ZNF609: variants seen among roughly 807,000 people sequenced by gnomAD.
ZNF609 encodes the protein zinc finger protein 609.
A neutral mutation model predicts 109.5 loss-of-function variants in ZNF609; 11 were observed. The ratio of observed to expected loss-of-function variants is 0.10; its 90% confidence interval spans 0.06 to 0.17. The LOEUF (loss-of-function observed/expected upper bound fraction) is 0.17, where lower values mean the gene tolerates loss of function less well. Ranked by LOEUF, ZNF609 falls within the 10% of genes least tolerant of loss-of-function variation. ZNF609 has a pLI of 1.00. For synonymous variants in ZNF609, 646 were observed against 662.0 expected, an observed-to-expected ratio of 0.98 and a Z score of 0.37; for missense variants, 1,559 against 1,772.4, an observed-to-expected ratio of 0.88 and a Z score of 2.16.
chr15:64,461,647 C>G (rs999653400), intron 1 of ZNF609, among the ~76,000 whole-genome samples: 4 of 152,178 alleles, frequency 2.6e-5, no homozygotes, highest in Non-Finnish European at 5.9e-5. Flanking sequence ...ATTAGGCTCA[C>G]ACAGGGTGGA....
rs953033816 is a variant in ZNF609 at position 64,681,474 on chromosome 15, A to G, written c.*5+87A>G. 2.7e-6 allele frequency: 3 copies of G among 1,131,694 alleles called. No homozygotes were observed. The African/African-American group carries it at 4.6e-5, about 17-fold the overall frequency. The allele number at this position is 1,131,694 out of a possible 1,614,324, so 70.1% of individuals were successfully genotyped here. On this transcript the variant is annotated intron_variant, in intron 9 of 9. Transcript: ENST00000326648. The stretch of plus-strand genomic sequence containing the variant: ...CAGAATCCCTAGGTGAGAAATAGCT[A>G]TGAGGGGTCAGCAGTCTGGAATCCA...
intron 1 of ZNF609, among the ~76,000 whole-genome samples, chr15:64,496,610 G>C (rs1367886359): frequency 6.6e-6 from 1 of 152,166 alleles, no homozygotes; most frequent in African/African-American, 2.4e-5. Context: ...CTTACTCACT[G>C]TCTTACTTGC....
chr15:64,477,368 C>T (rs1270745572), intron 1 of ZNF609, among the ~76,000 whole-genome samples: 1 of 151,906 alleles, frequency 6.6e-6, no homozygotes, highest in East Asian at 1.9e-4. Context: ...TCTCGATCTC[C>T]TGACCTCGTG....
chr15:64,678,882 G>A lies in ZNF609; in HGVS notation c.3769+400G>A, dbSNP rs139426964. Among the ~76,000 whole-genome samples the A allele has an allele frequency of 1.1e-3, 161 of 152,266 alleles. 1 individual carries two copies. Among genetic ancestry groups the A allele is most frequent in the African/African-American group, 3.4e-3 (141 of 41,538 alleles). ...GAGCCATTGAGTTCCTTCCACTCCCGGAGCTTACAGCTTAATCATAGTGGA... is the reference window on the plus strand; with the variant it reads ...GAGCCATTGAGTTCCTTCCACTCCCAGAGCTTACAGCTTAATCATAGTGGA... On this transcript the variant is annotated intron_variant, in intron 6 of 9. Transcript: ENST00000326648.
chr15:64,670,930 C>G (rs1335286784), intron 4 of ZNF609, among the ~76,000 whole-genome samples: 6 of 149,344 alleles, frequency 4.0e-5, no homozygotes, highest in Admixed American at 2.7e-4. Flanking sequence ...GTTCGGGGGG[C>G]CGGGTACGGT....
rs1166502981 is a variant in ZNF609 at position 64,673,964 on chromosome 15, T to G, written c.1110T>G (p.Gly370=). The part of the protein sequence containing the change: ...TSDLEMRNGR[G]RGKRMRPNSN... ...ACCTGGAAATGCGCAATGGCCGGGGTAGAGGCAAACGCATGCGTCCCAACA... is the reference window on the plus strand; with the variant it reads ...ACCTGGAAATGCGCAATGGCCGGGGGAGAGGCAAACGCATGCGTCCCAACA... Residue 370 remains glycine (G), a synonymous_variant, in exon 5 of 10, where the codon GGT becomes GGG. Coordinates refer to ENST00000326648, the MANE Select transcript of ZNF609 (RefSeq NM_015042.2). 6.2e-7 allele frequency: 1 copy of G among 1,614,102 alleles called. No homozygotes were observed. Among genetic ancestry groups the G allele is most frequent in the Non-Finnish European group, 8.5e-7 (1 of 1,180,014 alleles).
chr15:64,547,889 G>C (rs959434298), intron 2 of ZNF609, among the ~76,000 whole-genome samples: 3 of 152,100 alleles, frequency 2.0e-5, no homozygotes, highest in Admixed American at 6.6e-5. Flanking sequence ...GCAGGAGGAC[G>C]GGGGTGTAGA....
intron 2 of ZNF609, among the ~76,000 whole-genome samples, chr15:64,571,862 A>T (rs962285235): frequency 6.6e-6 from 1 of 152,048 alleles, no homozygotes; most frequent in Non-Finnish European, 1.5e-5. Context: ...AGTAGAGACA[A>T]GATTTCGCCA....
At chr15:64,513,350 C>T (rs1893760922) in intron 2 of ZNF609, among the ~76,000 whole-genome samples, 1 of 152,152 alleles carries the variant, frequency 6.6e-6, no homozygotes, top group Admixed American at 6.5e-5. Flanking sequence ...AGGCATTTTT[C>T]ATTTTGCTTG....
At chr15:64,460,975 G>C (rs1442819397) in intron 1 of ZNF609, 137 bp downstream of exon 1, 1 of 102,828 alleles carries the variant, frequency 9.7e-6, no homozygotes, top group Non-Finnish European at 2.0e-5. Flanking sequence ...GGGTTGGGGG[G>C]GCTGGGGCGG....
chr15:64,668,685 G>A (rs1020469746), intron 3 of ZNF609, among the ~76,000 whole-genome samples: 2 of 152,086 alleles, frequency 1.3e-5, no homozygotes, highest in African/African-American at 4.8e-5. Flanking sequence ...CAGGTGCGGT[G>A]GCTCATGCCT....
At chr15:64,672,076 A>G (rs1595759562) in intron 4 of ZNF609, among the ~76,000 whole-genome samples, 2 of 134,780 alleles carry the variant, frequency 1.5e-5, no homozygotes, top group Admixed American at 1.7e-4. Context: ...GCAGTGGCGC[A>G]GTCTTGGCTC....
intron 2 of ZNF609, chr15:64,593,120 G>C: frequency 6.3e-7 from 1 of 1,590,764 alleles, no homozygotes; most frequent in Non-Finnish European, 8.5e-7. Context: ...AGTGGAGTCC[G>C]CAGCAGTCAG....
At chr15:64,577,365 G>A (rs564888615) in intron 2 of ZNF609, among the ~76,000 whole-genome samples, 14 of 8,502 alleles carry the variant, frequency 1.6e-3, no homozygotes, top group African/African-American at 2.7e-3. Flanking sequence ...ACACATATAT[G>A]TATATATATA....
intron 2 of ZNF609, chr15:64,500,561 C>A: frequency 1.7e-6 from 1 of 605,764 alleles, no homozygotes; most frequent in Non-Finnish European, 2.9e-6. Flanking sequence ...AGTTGATAAA[C>A]AATACGCCTT....
chr15:64,525,869 A>C (rs541323159), intron 2 of ZNF609, among the ~76,000 whole-genome samples: 1 of 151,778 alleles, frequency 6.6e-6, no homozygotes, highest in South Asian at 2.1e-4. Context: ...GATCACTGCA[A>C]CCTCCACCCA....
intron 1 of ZNF609, among the ~76,000 whole-genome samples, chr15:64,476,059 C>T (rs1893165726): frequency 6.6e-6 from 1 of 152,122 alleles, no homozygotes; most frequent in African/African-American, 2.4e-5. Context: ...TACATCCGAG[C>T]TGATAGAAAA....
intron 2 of ZNF609, among the ~76,000 whole-genome samples, chr15:64,575,038 T>C (rs960367191): frequency 2.6e-5 from 4 of 152,188 alleles, no homozygotes; most frequent in African/African-American, 9.7e-5. Context: ...CAGCACAGTA[T>C]ATAGAAATGA....
At chr15:64,565,836 CTTTAT>C (rs146293124) in intron 2 of ZNF609, among the ~76,000 whole-genome samples, 13 of 151,864 alleles carry the variant, frequency 8.6e-5, no homozygotes, top group South Asian at 2.1e-4. Flanking sequence ...AATTGAAGTA[CTTTAT>C]TTTATTTTAT....
Sources: gnomAD v4.1 joint callset for allele counts (sites outside exome capture counted in the v4.1 genomes callset) on GRCh38, gnomAD v4.1.1 for gene constraint, MANE v1.5 for transcripts, NCBI Gene and HGNC (gene_info 2026-07-23, HGNC 2026-07-21) for gene names.